The following ZMYM1 variants were observed in gnomAD, a reference collection of about 807,000 sequenced individuals.
ZMYM1 encodes zinc finger MYM-type containing 1.
A neutral mutation model predicts 60.0 loss-of-function variants in ZMYM1; 39 were observed. That is an observed-to-expected ratio of 0.65 (90% CI 0.50 to 0.85). The LOEUF is 0.85. Among genes scored for constraint, ZMYM1 ranks in the 40% least tolerant of loss-of-function variants. The probability of loss-of-function intolerance (pLI) is 0.00; values close to 1 mark genes in which losing one functional copy is unlikely to be tolerated. For synonymous variants in ZMYM1, 413 were observed against 454.0 expected (o/e 0.91, Z 1.15); for missense variants, 1,171 against 1,309.5 (o/e 0.89, Z 1.63).
At chr1:35,089,939 C>CT (rs1642902381) in intron 1 of ZMYM1, among the ~76,000 whole-genome samples, 1 of 148,110 alleles carries the variant, frequency 6.8e-6, no homozygotes, top group Admixed American at 6.8e-5. Context: ...GAGTCTCGCT[C>CT]TGTCGCCCAG....
At chr1:35,099,454 TCTC>T (rs1457062191) in intron 4 of ZMYM1, among the ~76,000 whole-genome samples, 2 of 152,122 alleles carry the variant, frequency 1.3e-5, no homozygotes, top group African/African-American at 4.8e-5. Flanking sequence ...GTGTGTAAGT[TCTC>T]CTAGGCATGG....
chr1:35,062,130 T>C (rs1641888467), intron 1 of ZMYM1, among the ~76,000 whole-genome samples: 1 of 152,100 alleles, frequency 6.6e-6, no homozygotes, highest in South Asian at 2.1e-4. Context: ...GCGCCCAGCC[T>C]TATTTCCCAT....
downstream of ZMYM1, among the ~76,000 whole-genome samples, chr1:35,118,083 C>CA (rs897128982): frequency 6.6e-5 from 10 of 150,732 alleles, no homozygotes; most frequent in East Asian, 5.9e-4. Flanking sequence ...ACTAAAAATA[C>CA]AAAAAAAATG....
intron 6 of ZMYM1, 84 bp downstream of exon 6, chr1:35,104,853 T>C: frequency 1.7e-6 from 2 of 1,149,392 alleles, no homozygotes; most frequent in Admixed American, 4.1e-5. Context: ...TAGTTTTTGG[T>C]ACCCTTTGGA....
chr1:35,098,632 A>G (rs1431341611), intron 4 of ZMYM1, among the ~76,000 whole-genome samples: 1 of 151,942 alleles, frequency 6.6e-6, no homozygotes, highest in Non-Finnish European at 1.5e-5. Flanking sequence ...TCAGGCTGGG[A>G]GCAGTGGCTC....
intron 6 of ZMYM1, among the ~76,000 whole-genome samples, chr1:35,106,354 A>C (rs188301917): frequency 6.6e-6 from 1 of 152,222 alleles, no homozygotes; most frequent in East Asian, 1.9e-4. Context: ...GATGCCTATA[A>C]TCCCAGCACT....
intron 6 of ZMYM1, among the ~76,000 whole-genome samples, chr1:35,107,820 C>T (rs184958887): frequency 1.0e-3 from 155 of 152,046 alleles, no homozygotes; most frequent in African/African-American, 3.4e-3. Flanking sequence ...TAAATGATAC[C>T]ACTATTGGGC....
rs1184601007 is a variant in ZMYM1, at chr1:35,086,982, C to CTTTTT, written c.-74-6910_-74-6906dup. On this transcript the variant is annotated intron_variant, in intron 1 of 9. Coordinates refer to ENST00000359858, the MANE Select transcript of ZMYM1 (RefSeq NM_024772.5). ...ACAGGCATGAGCCACCGCACCCAGC[C>CTTTTT]TTTTTTTTTTTTTTTTTTTTTTTTT... Among the ~76,000 whole-genome samples, 16 of 100,114 alleles carry CTTTTT rather than the reference C, an allele frequency of 1.6e-4. 1 individual carries two copies. Among genetic ancestry groups the CTTTTT allele is most frequent in the African/African-American group, 4.2e-4 (9 of 21,622 alleles). The allele number at this position is 100,114 out of a possible 152,430, so 65.7% of individuals were successfully genotyped here. A position where few individuals can be genotyped will look rare whatever the true frequency, so the allele number is the denominator to read the frequency against.
Position 35,113,951 on chromosome 1 carries a change from T to C in ZMYM1, c.2121T>C (p.Asp707=). ...CTTATCTGCAGCAAATTGGAGTTGA[T>C]ATGGATAAAATACATGGCCAGGCCT... ...IKTYLQQIGV[D]MDKIHGQAYD... Residue 707 remains aspartate, a synonymous_variant, in exon 10 of 10, where the codon GAT becomes GAC. Coordinates refer to ENST00000359858, the MANE Select transcript of ZMYM1 (RefSeq NM_024772.5). 6.2e-7 allele frequency: 1 copy of C among 1,613,922 alleles called. No individual in the cohort carries two copies.
intron 2 of ZMYM1, among the ~76,000 whole-genome samples, chr1:35,094,340 T>C (rs1414074900): frequency 1.3e-5 from 2 of 152,222 alleles, no homozygotes; most frequent in Non-Finnish European, 2.9e-5. Flanking sequence ...TGGGCCTAGC[T>C]AAGGTTAACA....
Position 35,101,434 on chromosome 1 carries a change from G to A in ZMYM1, c.420-2861G>A, listed in dbSNP as rs114677179. On this transcript the variant is annotated intron_variant, in intron 4 of 9. Transcript: ENST00000359858. ...TTTTTCAATTTTTTATAAAGCTTTA[G>A]TAGATTCTTAGAAGCCAGCAATCTA... Among the ~76,000 whole-genome samples, 391 of 147,908 alleles carry A rather than the reference G, an allele frequency of 2.6e-3. 3 individuals carry two copies. Among genetic ancestry groups the A allele is most frequent in the African/African-American group, 9.5e-3 (380 of 39,990 alleles).
chr1:35,096,324 AAG>A (rs1267134827), intron 3 of ZMYM1, among the ~76,000 whole-genome samples: 6 of 150,978 alleles, frequency 4.0e-5, no homozygotes, highest in Non-Finnish European at 5.9e-5. Context: ...AAAAAAAAAA[AAG>A]AGAAGAAAAT....
At chr1:35,062,168 G>A (rs906417725) in intron 1 of ZMYM1, among the ~76,000 whole-genome samples, 4 of 151,996 alleles carry the variant, frequency 2.6e-5, no homozygotes, top group African/African-American at 4.8e-5. Flanking sequence ...TCAATTATTC[G>A]CATTCTAGTC....
chr1:35,088,452 A>ATGTGTG (rs1436872757), intron 1 of ZMYM1, among the ~76,000 whole-genome samples: 24 of 101,664 alleles, frequency 2.4e-4, no homozygotes, highest in African/African-American at 1.0e-3. Flanking sequence ...ATATATATAT[A>ATGTGTG]TATGTGTGTG....
chr1:35,118,241 C>CAAAAA (rs11364403), downstream of ZMYM1, among the ~76,000 whole-genome samples: 2 of 100,156 alleles, frequency 2.0e-5, no homozygotes, highest in African/African-American at 7.9e-5. Context: ...AACTCCGTCT[C>CAAAAA]AAAAAAAAAA....
At chr1:35,073,653 A>G (rs533283253) in intron 1 of ZMYM1, among the ~76,000 whole-genome samples, 2 of 150,666 alleles carry the variant, frequency 1.3e-5, no homozygotes, top group African/African-American at 2.4e-5. Flanking sequence ...GAAAAGAAAA[A>G]AAGGAAAGGA....
intron 1 of ZMYM1, among the ~76,000 whole-genome samples, chr1:35,065,164 T>G (rs999497788): frequency 3.9e-5 from 6 of 152,166 alleles, no homozygotes; most frequent in African/African-American, 9.6e-5. Flanking sequence ...ATATGTAGGT[T>G]TTCTCCCCGC....
Position 35,115,645 on chromosome 1 carries a change from A to G in ZMYM1, c.*386A>G, listed in dbSNP as rs1644239504. On this transcript the variant is annotated 3_prime_UTR_variant, in exon 10 of 10. Transcript: ENST00000359858. Reference sequence around the variant, plus strand: ...TTCCTAACCTTTTGCTATTATAAATAATGATTCATTTTATAACCTTTTATA... The same window carrying G: ...TTCCTAACCTTTTGCTATTATAAATGATGATTCATTTTATAACCTTTTATA... 1 of 154,394 alleles carries G rather than the reference A, an allele frequency of 6.5e-6. No homozygotes were observed. Among genetic ancestry groups the G allele is most frequent in the South Asian group, 2.0e-4 (1 of 4,912 alleles). 9.6% of individuals were successfully genotyped at this position (154,394 alleles called of 1,614,324 possible).
chr1:35,082,006 G>A (rs1308690996), intron 1 of ZMYM1, among the ~76,000 whole-genome samples: 1 of 152,022 alleles, frequency 6.6e-6, no homozygotes, highest in Non-Finnish European at 1.5e-5. Flanking sequence ...ATTTATTTTC[G>A]AATGTCTTGC....
Sources: gnomAD v4.1 joint callset for allele counts (sites outside exome capture counted in the v4.1 genomes callset) on GRCh38, gnomAD v4.1.1 for gene constraint, MANE v1.5 for transcripts, NCBI Gene and HGNC (gene_info 2026-07-23, HGNC 2026-07-21) for gene names.